The following TMEM117 variants were observed in gnomAD, a reference collection of about 807,000 sequenced individuals.
The protein encoded by TMEM117 is transmembrane protein 117.
In TMEM117, 27 loss-of-function variants were observed where a neutral mutation model predicts 52.4. The ratio of observed to expected loss-of-function variants is 0.51; its 90% CI spans 0.38 to 0.71. TMEM117 has a LOEUF of 0.71. Ranked by LOEUF, TMEM117 falls within the 30% of genes least tolerant of loss-of-function variation. The probability of loss-of-function intolerance (pLI) is 0.00; values close to 1 mark genes in which losing one functional copy is unlikely to be tolerated. For synonymous variants in TMEM117, 215 were observed against 206.3 expected (o/e 1.04, Z -0.36); for missense variants, 556 against 630.5 (o/e 0.88, Z 1.26).
At chr12:44,247,526 A>T (rs964518015) in intron 5 of TMEM117, among the ~76,000 whole-genome samples, 2 of 152,218 alleles carry the variant, frequency 1.3e-5, no homozygotes, top group Non-Finnish European at 2.9e-5. Flanking sequence ...GATCAATTGG[A>T]GTATTTACCA....
the TMEM117 span, chr12:43,804,611 A>C: frequency 2.2e-6 from 3 of 1,362,720 alleles, no homozygotes; most frequent in Non-Finnish European, 3.1e-6. Flanking sequence ...TTTTATACTT[A>C]CATATAAATA....
intron 2 of TMEM117, among the ~76,000 whole-genome samples, chr12:43,904,775 C>G (rs1944357783): frequency 6.6e-6 from 1 of 152,170 alleles, no homozygotes; most frequent in Non-Finnish European, 1.5e-5. Flanking sequence ...CATTGTTATA[C>G]CAAGCAGTTT....
intron 6 of TMEM117, among the ~76,000 whole-genome samples, chr12:44,300,142 G>A (rs968344439): frequency 2.0e-5 from 3 of 152,146 alleles, no homozygotes; most frequent in Admixed American, 1.3e-4. Context: ...GCAACTCAGG[G>A]TTTTATAGCA....
chr12:43,864,108 C>T (rs972900979), intron 2 of TMEM117, among the ~76,000 whole-genome samples: 7 of 152,168 alleles, frequency 4.6e-5, no homozygotes, highest in Non-Finnish European at 1.0e-4. Context: ...GGATTTCTCA[C>T]GGGGCTTTAG....
At chr12:44,009,713 C>T (rs1946258704) in intron 3 of TMEM117, 2 of 250,388 alleles carry the variant, frequency 8.0e-6, no homozygotes, top group Admixed American at 4.0e-5. Context: ...TGCCTTCTCT[C>T]CCAGCTCATG....
the TMEM117 span, among the ~76,000 whole-genome samples, chr12:43,823,803 A>T: frequency 6.6e-6 from 1 of 152,098 alleles, no homozygotes; most frequent in African/African-American, 2.4e-5. Flanking sequence ...TGCACTGGCC[A>T]TGAGTGTAAT....
At chr12:44,104,917 A>G (rs1446635358) in intron 3 of TMEM117, among the ~76,000 whole-genome samples, 1 of 151,794 alleles carries the variant, frequency 6.6e-6, no homozygotes, top group Non-Finnish European at 1.5e-5. Context: ...TAAAAAATAT[A>G]TTTTCTATAG....
intron 6 of TMEM117, among the ~76,000 whole-genome samples, chr12:44,323,606 A>G (rs1276419851): frequency 6.6e-6 from 1 of 152,118 alleles, no homozygotes; most frequent in Non-Finnish European, 1.5e-5. Flanking sequence ...TTAAGAAAAT[A>G]ACTTATTGTT....
At chr12:44,312,317 T>G (rs1461517764) in intron 6 of TMEM117, among the ~76,000 whole-genome samples, 1 of 152,120 alleles carries the variant, frequency 6.6e-6, no homozygotes, top group Non-Finnish European at 1.5e-5. Flanking sequence ...TATGTTCATA[T>G]GTACCCAATG....
intron 5 of TMEM117, among the ~76,000 whole-genome samples, chr12:44,292,021 C>T (rs894185280): frequency 8.6e-5 from 13 of 151,866 alleles, no homozygotes; most frequent in Admixed American, 2.6e-4. Context: ...TGGAGGTATC[C>T]TCTCCTTCTG....
At chr12:43,981,072 C>T (rs970157863) in intron 3 of TMEM117, among the ~76,000 whole-genome samples, 3 of 152,110 alleles carry the variant, frequency 2.0e-5, no homozygotes, top group East Asian at 1.9e-4. Flanking sequence ...TCATTCTTCC[C>T]CAAAGCTTTG....
At chr12:44,135,420 A>G (rs893406261) in intron 3 of TMEM117, among the ~76,000 whole-genome samples, 1 of 152,214 alleles carries the variant, frequency 6.6e-6, no homozygotes, top group Non-Finnish European at 1.5e-5. Flanking sequence ...ATAAATGAAT[A>G]TAAATTAAGA....
intron 6 of TMEM117, among the ~76,000 whole-genome samples, chr12:44,366,205 C>G (rs1292957770): frequency 2.6e-5 from 4 of 151,976 alleles, no homozygotes; most frequent in Non-Finnish European, 4.4e-5. Flanking sequence ...TATGTGGAAT[C>G]TATAAAACAT....
intron 5 of TMEM117, among the ~76,000 whole-genome samples, chr12:44,293,209 G>A (rs1950726469): frequency 1.3e-5 from 2 of 151,962 alleles, no homozygotes. Context: ...TTGACTGAAA[G>A]TCCATTCTGT....
chr12:44,115,172 A>G (rs1292472248), intron 3 of TMEM117, among the ~76,000 whole-genome samples: 1 of 152,188 alleles, frequency 6.6e-6, no homozygotes, highest in African/African-American at 2.4e-5. Flanking sequence ...GAGCTGCAGA[A>G]TTCTCTGCAC....
chr12:44,230,933 G>T (rs1292876721), intron 5 of TMEM117, among the ~76,000 whole-genome samples: 1 of 151,740 alleles, frequency 6.6e-6, no homozygotes, highest in Non-Finnish European at 1.5e-5. Context: ...TTTAAAAATT[G>T]TGAAATAAAA....
intron 6 of TMEM117, among the ~76,000 whole-genome samples, chr12:44,302,887 C>T (rs1208097397): frequency 6.6e-6 from 1 of 152,110 alleles, no homozygotes; most frequent in African/African-American, 2.4e-5. Context: ...TCTAATTCAT[C>T]CCATATTTAC....
At chr12:43,823,527 T>C in the TMEM117 span, among the ~76,000 whole-genome samples, 3 of 152,304 alleles carry the variant, frequency 2.0e-5, no homozygotes, top group East Asian at 5.8e-4. Context: ...ATTTATTTTT[T>C]TGAGACAGAG....
At chr12:44,143,409 A>G in intron 3 of TMEM117, 116 bp from the exon 4 acceptor site, 1 of 660,662 alleles carries the variant, frequency 1.5e-6, no homozygotes, top group South Asian at 2.3e-5. Context: ...TGATGGGACA[A>G]GAGCCAGACA....
Sources: allele counts gnomAD v4.1 joint callset (sites outside exome capture counted in the v4.1 genomes callset), GRCh38; gene constraint gnomAD v4.1.1; transcripts MANE v1.5; gene names NCBI Gene and HGNC (gene_info 2026-07-23, HGNC 2026-07-21).